Variants in MEP1A observed in about 807,000 individuals in gnomAD.
MEP1A encodes the protein meprin A subunit alpha, also known as N-benzoyl-L-tyrosyl-P-amino-benzoic acid hydrolase subunit alpha.
A neutral mutation model predicts 84.5 loss-of-function variants in MEP1A; 68 were observed. The ratio of observed to expected loss-of-function variants is 0.80; its 90% confidence interval spans 0.66 to 0.98. The LOEUF (loss-of-function observed/expected upper bound fraction) is 0.98, where lower values mean the gene tolerates loss of function less well. Among genes scored for constraint, MEP1A ranks in the 50% least tolerant of loss-of-function variants. The pLI, the probability that MEP1A is intolerant of heterozygous loss-of-function variation, is 0.00. For synonymous variants in MEP1A, 337 were observed against 336.8 expected (o/e 1.00, Z -0.01); for missense variants, 887 against 919.9 (o/e 0.96, Z 0.46).
chr6:46,794,861 T>C (rs1487336034), intron 3 of MEP1A, among the ~76,000 whole-genome samples: 2 of 152,206 alleles, frequency 1.3e-5, no homozygotes, highest in Non-Finnish European at 2.9e-5. Flanking sequence ...ATTATTTATC[T>C]AATAAAAATT....
chr6:46,807,779 G>GAAAGAAAGAAAA (rs1562106964), intron 5 of MEP1A, among the ~76,000 whole-genome samples: 4 of 59,152 alleles, frequency 6.8e-5, no homozygotes, highest in African/African-American at 2.1e-4. Flanking sequence ...AGGAAAGAAA[G>GAAAGAAAGAAAA]AAAGAAAGAA....
chr6:46,795,127 C>T (rs1464121469), intron 3 of MEP1A, among the ~76,000 whole-genome samples: 1 of 152,136 alleles, frequency 6.6e-6, no homozygotes, highest in Non-Finnish European at 1.5e-5. Context: ...TATCCTCCAT[C>T]CCAAGACCTG....
chr6:46,796,252 CAAGT>C (rs111532700), intron 3 of MEP1A, among the ~76,000 whole-genome samples: 2,064 of 152,268 alleles, frequency 0.014, 55 homozygotes, highest in African/African-American at 0.047. Context: ...CTCTGATGCT[CAAGT>C]TTAGGACCAC....
In MEP1A at chr6:46,839,102, T is replaced by C. The variant is rs371602161; in HGVS notation, c.2207T>C (p.Ile736Thr). Reference sequence around the variant, plus strand: ...GGCGTGATCTTCTTGACCTTCTCCATCATCGCCATCCTTTCCCAAAGGCCA... The same window carrying C: ...GGCGTGATCTTCTTGACCTTCTCCACCATCGCCATCCTTTCCCAAAGGCCA... ...TAGVIFLTFS[I>T]IAILSQRPRK The change falls in exon 14 of 14, where the codon ATC becomes ACC. Residue 736 changes from isoleucine to threonine, a missense_variant. Transcript: ENST00000230588. 2 of 1,612,910 alleles carry C rather than the reference T, an allele frequency of 1.2e-6. No individual in the cohort carries two copies. The highest frequency in any genetic ancestry group is 1.3e-5 in the African/African-American group (1 of 74,902).
At chr6:46,811,827 G>T (rs1478749943) in intron 6 of MEP1A, among the ~76,000 whole-genome samples, 3 of 152,050 alleles carry the variant, frequency 2.0e-5, no homozygotes, top group Non-Finnish European at 4.4e-5. Context: ...AAACCCACTT[G>T]ATCATGTTGA....
intron 7 of MEP1A, among the ~76,000 whole-genome samples, chr6:46,824,809 T>TATATTTAAATA (rs1562113514): frequency 1.6e-5 from 2 of 124,324 alleles, no homozygotes; most frequent in African/African-American, 6.5e-5. Flanking sequence ...ATATAAATGA[T>TATATTTAAATA]GTATTTAATT....
At chr6:46,827,041 A>G (rs1429245340) in intron 9 of MEP1A, among the ~76,000 whole-genome samples, 1 of 152,274 alleles carries the variant, frequency 6.6e-6, no homozygotes, top group Non-Finnish European at 1.5e-5. Flanking sequence ...AACTTGACAC[A>G]TATTTTACTC....
intron 5 of MEP1A, among the ~76,000 whole-genome samples, chr6:46,807,818 A>G (rs529463927): frequency 7.9e-5 from 12 of 151,106 alleles, no homozygotes; most frequent in Middle Eastern, 3.4e-3. Flanking sequence ...AAAGAAAGAA[A>G]GAAAGAAAGA....
chr6:46,842,254 TCAGGGAA>T (rs1768346447), downstream of MEP1A, among the ~76,000 whole-genome samples: 1 of 152,136 alleles, frequency 6.6e-6, no homozygotes, highest in Non-Finnish European at 1.5e-5. Context: ...ACAGCGATTT[TCAGGGAA>T]AAAAGGAAGG....
At chr6:46,824,469 A>G (rs1767853743) in intron 7 of MEP1A, among the ~76,000 whole-genome samples, 1 of 145,592 alleles carries the variant, frequency 6.9e-6, no homozygotes, top group South Asian at 2.1e-4. Flanking sequence ...TATATTGCTT[A>G]TAAAATATAA....
At chr6:46,841,749 T>C (rs13216514), downstream of MEP1A, among the ~76,000 whole-genome samples, 43,326 of 152,156 alleles carry the variant, frequency 0.28, 7,093 homozygotes, top group Middle Eastern at 0.37. Context: ...CATTCACAAA[T>C]GTCAGGTTCT....
At position 46,824,743 on chromosome 6, in the gene MEP1A, AATAGATGTATTTAAAT is replaced by A. The variant is rs370498330; in HGVS notation, c.557-525_557-510del. Among the ~76,000 whole-genome samples, 172 of 64,196 alleles carry A rather than the reference AATAGATGTATTTAAAT, an allele frequency of 2.7e-3. 1 individual carries two copies. The highest frequency in any genetic ancestry group is 4.3e-3 in the Non-Finnish European group (120 of 28,160). The allele number at this position is 64,196 out of a possible 152,430, so 42.1% of individuals were successfully genotyped here. On this transcript the variant is annotated intron_variant, in intron 7 of 13. Transcript: ENST00000230588. ...TAAATATATATAAATTATGTATTTA[AATAGATGTATTTAAAT>A]ATATATAAATTATGTATTTAAATAG...
rs1464222254 is a variant in MEP1A, at chr6:46,839,732, A to T, written c.*596A>T. 2 of 152,172 alleles carry T rather than the reference A, an allele frequency of 1.3e-5. No individual in the cohort carries two copies. The highest frequency in any genetic ancestry group is 3.9e-4 in the East Asian group (2 of 5,194). The allele number at this position is 152,172 out of a possible 1,614,324, so 9.4% of individuals were successfully genotyped here. A position where few individuals can be genotyped will look rare whatever the true frequency, so the allele number is the denominator to read the frequency against. ...TGCACAGCATTTGCTTTCCTCTGAG[A>T]TTCTAAGAGAAGGCCTTTAATAAAT... On this transcript the variant is annotated 3_prime_UTR_variant, in exon 14 of 14. Coordinates refer to ENST00000230588, the MANE Select transcript of MEP1A (RefSeq NM_005588.3).
At chr6:46,843,572 T>C (rs994123360), downstream of MEP1A, among the ~76,000 whole-genome samples, 1 of 152,232 alleles carries the variant, frequency 6.6e-6, no homozygotes, top group Non-Finnish European at 1.5e-5. Flanking sequence ...AGACTTTTGA[T>C]AGGATCTTTC....
At chr6:46,836,872 T>C (rs1410327566) in intron 13 of MEP1A, among the ~76,000 whole-genome samples, 1 of 151,856 alleles carries the variant, frequency 6.6e-6, no homozygotes, top group Non-Finnish European at 1.5e-5. Context: ...TTAGTAAAGA[T>C]GTGCTATGCC....
chr6:46,811,106 G>A (rs1278703306), intron 6 of MEP1A, among the ~76,000 whole-genome samples: 1 of 152,042 alleles, frequency 6.6e-6, no homozygotes, highest in African/African-American at 2.4e-5. Context: ...ATGAGCAAGG[G>A]ATAGCTTTCC....
chr6:46,808,204 A>G (rs185678792), intron 5 of MEP1A, among the ~76,000 whole-genome samples: 2 of 152,108 alleles, frequency 1.3e-5, no homozygotes, highest in Non-Finnish European at 2.9e-5. Context: ...TTCATATTAC[A>G]GATGTAACTA....
intron 3 of MEP1A, among the ~76,000 whole-genome samples, chr6:46,795,799 G>T (rs1295785645): frequency 3.9e-5 from 6 of 152,002 alleles, no homozygotes; most frequent in Non-Finnish European, 8.8e-5. Flanking sequence ...TCATTTCTCT[G>T]CTCCAACCAT....
intron 6 of MEP1A, among the ~76,000 whole-genome samples, chr6:46,817,394 T>A (rs1767665910): frequency 1.3e-5 from 2 of 152,168 alleles, no homozygotes; most frequent in South Asian, 4.2e-4. Context: ...TAACCAATAG[T>A]AGTTAGATAG....
Sources: gnomAD v4.1 joint callset for allele counts (sites outside exome capture counted in the v4.1 genomes callset) on GRCh38, gnomAD v4.1.1 for gene constraint, MANE v1.5 for transcripts, NCBI Gene and HGNC (gene_info 2026-07-23, HGNC 2026-07-21) for gene names.